The following CSMD1 variants were observed in gnomAD, a reference collection of about 807,000 sequenced individuals.
CSMD1 encodes CUB and sushi domain-containing protein 1.
A neutral mutation model predicts 417.5 loss-of-function variants in CSMD1; 213 were observed. The observed-to-expected ratio is 0.51, with a 90% CI of 0.46 to 0.57. The LOEUF is 0.57. CSMD1 is among the 20% of genes least tolerant of loss of function. CSMD1 has a pLI of 0.00. For synonymous variants in CSMD1, 2,862 were observed against 1,736.8 expected (o/e 1.65, Z -16.11); for missense variants, 6,923 against 4,529.7 (o/e 1.53, Z -15.17).
At chr8:3,837,046 G>A (rs1802756333) in intron 5 of CSMD1, among the ~76,000 whole-genome samples, 2 of 151,672 alleles carry the variant, frequency 1.3e-5, no homozygotes, top group Non-Finnish European at 1.5e-5. Context: ...TGGGTCAATT[G>A]ATGCCCATGG....
intron 1 of CSMD1, among the ~76,000 whole-genome samples, chr8:4,748,212 C>A (rs747828393): frequency 6.6e-6 from 1 of 152,170 alleles, no homozygotes; most frequent in Non-Finnish European, 1.5e-5. Flanking sequence ...ATTCCTTTCT[C>A]TTAAATGGAA....
At chr8:4,399,712 T>G (rs1030729352) in intron 3 of CSMD1, among the ~76,000 whole-genome samples, 2 of 152,134 alleles carry the variant, frequency 1.3e-5, no homozygotes, top group African/African-American at 2.4e-5. Flanking sequence ...AAAAAGCAGT[T>G]TTACCTTGAA....
intron 7 of CSMD1, among the ~76,000 whole-genome samples, chr8:3,640,101 T>C (rs138456798): frequency 2.0e-5 from 3 of 152,144 alleles, no homozygotes; most frequent in Non-Finnish European, 4.4e-5. Flanking sequence ...GGCTCTCCCA[T>C]GTAGAGGTCC....
chr8:4,031,861 C>T (rs371968638), intron 4 of CSMD1, 44 bp downstream of exon 4: 48 of 1,444,296 alleles, frequency 3.3e-5, no homozygotes, highest in Middle Eastern at 4.5e-4. Context: ...AAAACCATTG[C>T]CCTGCCCTGG....
chr8:4,100,941 C>T (rs1430070482), intron 3 of CSMD1, among the ~76,000 whole-genome samples: 1 of 151,992 alleles, frequency 6.6e-6, no homozygotes, highest in Non-Finnish European at 1.5e-5. Flanking sequence ...TGCTAAGAAC[C>T]CAGAGTATTG....
chr8:4,823,839 T>C (rs1799656909), intron 1 of CSMD1, among the ~76,000 whole-genome samples: 1 of 151,960 alleles, frequency 6.6e-6, no homozygotes, highest in African/African-American at 2.4e-5. Context: ...AGGTTGAAGA[T>C]AAATGAGGCT....
At chr8:4,267,544 G>T (rs1714701) in intron 3 of CSMD1, among the ~76,000 whole-genome samples, 1 of 151,488 alleles carries the variant, frequency 6.6e-6, no homozygotes, top group Admixed American at 6.6e-5. Context: ...AACTCCAATT[G>T]TAATAGAAAT....
rs145463223 is a variant in CSMD1, at chr8:3,703,670, G to C, written c.1009+4744C>G. Among the ~76,000 whole-genome samples the C allele has an allele frequency of 1.6e-4, 25 of 152,314 alleles. No individual in the cohort carries two copies. In the East Asian group the frequency reaches 1.9e-3, roughly 12 times the overall value. On this transcript the variant is annotated intron_variant, in intron 7 of 69. Transcript: ENST00000635120. Reference sequence around the variant, plus strand: ...AGCAGGAAGAAGCAGAGGAAGAGATGAGCCTGCAGGATGTGCACGACTTCC... The same window carrying C: ...AGCAGGAAGAAGCAGAGGAAGAGATCAGCCTGCAGGATGTGCACGACTTCC...
chr8:4,883,372 T>A (rs185664252), intron 1 of CSMD1, among the ~76,000 whole-genome samples: 1 of 152,132 alleles, frequency 6.6e-6, no homozygotes, highest in Non-Finnish European at 1.5e-5. Flanking sequence ...CCATTTTAAA[T>A]AATACGTTTC....
At chr8:2,977,628 C>G (rs146165018) in intron 55 of CSMD1, among the ~76,000 whole-genome samples, 2 of 152,156 alleles carry the variant, frequency 1.3e-5, no homozygotes, top group Admixed American at 1.3e-4. Context: ...AAACTATCCT[C>G]AGAGTGAACA....
intron 12 of CSMD1, among the ~76,000 whole-genome samples, chr8:3,410,405 C>T (rs190992452): frequency 1.8e-4 from 28 of 152,252 alleles, no homozygotes; most frequent in African/African-American, 6.7e-4. Flanking sequence ...TTTTGAATCC[C>T]ACGTGTTGTG....
At chr8:4,391,776 C>T (rs956761919) in intron 3 of CSMD1, among the ~76,000 whole-genome samples, 1 of 152,162 alleles carries the variant, frequency 6.6e-6, no homozygotes, top group African/African-American at 2.4e-5. Flanking sequence ...TTTCCCTCTC[C>T]CCTGAGTTTG....
intron 3 of CSMD1, among the ~76,000 whole-genome samples, chr8:4,189,246 A>T (rs918197870): frequency 1.3e-5 from 2 of 152,202 alleles, no homozygotes; most frequent in African/African-American, 4.8e-5. Flanking sequence ...ATCTAAGCCC[A>T]CCTTTGCCCA....
At chr8:3,882,291 C>G (rs1295186958) in intron 5 of CSMD1, among the ~76,000 whole-genome samples, 5 of 152,174 alleles carry the variant, frequency 3.3e-5, no homozygotes, top group Non-Finnish European at 5.9e-5. Flanking sequence ...CCAATAAACA[C>G]ACAAAGTCAT....
At chr8:3,244,887 G>A (rs1351501088) in intron 26 of CSMD1, among the ~76,000 whole-genome samples, 1 of 152,168 alleles carries the variant, frequency 6.6e-6, no homozygotes, top group Non-Finnish European at 1.5e-5. Flanking sequence ...CTGACTCTCA[G>A]CCCAGTCCTC....
chr8:4,124,568 G>A (rs187353321), intron 3 of CSMD1, among the ~76,000 whole-genome samples: 2 of 152,230 alleles, frequency 1.3e-5, no homozygotes, highest in East Asian at 1.9e-4. Context: ...ACCTGCGCCC[G>A]GTAGTGGGGA....
At chr8:3,283,633 T>C (rs1201236962) in intron 26 of CSMD1, among the ~76,000 whole-genome samples, 1 of 152,140 alleles carries the variant, frequency 6.6e-6, no homozygotes, top group African/African-American at 2.4e-5. Flanking sequence ...AAGCAGGGCA[T>C]AGAATAATTC....
At chr8:4,263,124 A>G (rs955537527) in intron 3 of CSMD1, among the ~76,000 whole-genome samples, 1 of 152,138 alleles carries the variant, frequency 6.6e-6, no homozygotes, top group Non-Finnish European at 1.5e-5. Flanking sequence ...TGTGGGTGAT[A>G]TCACTTATTT....
intron 1 of CSMD1, among the ~76,000 whole-genome samples, chr8:4,753,691 CCTT>C (rs1237722049): frequency 6.6e-6 from 1 of 152,128 alleles, no homozygotes; most frequent in African/African-American, 2.4e-5. Context: ...TCTCTTCTGA[CCTT>C]CTGCTCCTTT....
Sources: gnomAD v4.1 joint callset for allele counts (sites outside exome capture counted in the v4.1 genomes callset) on GRCh38, gnomAD v4.1.1 for gene constraint, MANE v1.5 for transcripts, NCBI Gene and HGNC (gene_info 2026-07-23, HGNC 2026-07-21) for gene names.